Variants in SIK3 observed in about 807,000 individuals in gnomAD.
SIK3 encodes serine/threonine-protein kinase SIK3.
A neutral mutation model predicts 144.2 loss-of-function variants in SIK3; 28 were observed. The observed-to-expected ratio is 0.19, with a 90% CI of 0.14 to 0.27. SIK3 has a LOEUF of 0.27. Ranked by LOEUF, SIK3 falls within the 10% of genes least tolerant of loss-of-function variation. The pLI is 1.00. For missense variants in SIK3, 1,319 were observed against 1,776.0 expected, an observed-to-expected ratio of 0.74 and a Z score of 4.62; for synonymous variants, 686 against 676.3, an observed-to-expected ratio of 1.01 and a Z score of -0.22.
chr11:117,061,086 A>C (rs1420102207), intron 1 of SIK3, among the ~76,000 whole-genome samples: 1 of 152,086 alleles, frequency 6.6e-6, no homozygotes, highest in African/African-American at 2.4e-5. Flanking sequence ...CGTCTCTATC[A>C]AAAATTAAAA....
rs376478789 is a variant in SIK3 at position 117,092,987 on chromosome 11, ACT to A, written c.273+5154_273+5155del. 3.5e-4 allele frequency among the ~76,000 whole-genome samples: 54 copies of A among 152,308 alleles called. No homozygotes were observed. In the East Asian group the frequency reaches 0.01, roughly 28 times the overall value. ...TAGAAAATGGAATACTGGTATTTTG[ACT>A]CTGGAGAGACTAGTCTCAATCAGTC... On this transcript the variant is annotated intron_variant, in intron 1 of 24. Transcript: ENST00000445177.
chr11:116,875,118 T>C, intron 11 of SIK3, 40 bp downstream of exon 11: 1 of 1,506,858 alleles, frequency 6.6e-7, no homozygotes, highest in Non-Finnish European at 9.2e-7. Context: ...TGACAATTCT[T>C]TGCCCCAGTG....
intron 1 of SIK3, among the ~76,000 whole-genome samples, chr11:117,086,349 A>G (rs1307456357): frequency 6.6e-6 from 1 of 152,220 alleles, no homozygotes. Flanking sequence ...TACAACTTTT[A>G]TTAATCTCTG....
At chr11:116,896,142 A>G in intron 6 of SIK3, 111 bp downstream of exon 6, 1 of 1,436,546 alleles carries the variant, frequency 7.0e-7, no homozygotes, top group Non-Finnish European at 9.5e-7. Flanking sequence ...AGCTGGAGTT[A>G]AAAAAGGTTG....
intron 1 of SIK3, among the ~76,000 whole-genome samples, chr11:116,973,808 C>T (rs999903227): frequency 2.6e-5 from 4 of 152,110 alleles, no homozygotes; most frequent in Non-Finnish European, 4.4e-5. Context: ...AGACAAATTC[C>T]AACTGAGGAG....
chr11:117,054,640 A>T (rs1412271533), intron 1 of SIK3, among the ~76,000 whole-genome samples: 1 of 152,196 alleles, frequency 6.6e-6, no homozygotes, highest in Non-Finnish European at 1.5e-5. Context: ...CACAATCAAC[A>T]GTACTTGATA....
At chr11:117,083,902 G>A (rs1464026793) in intron 1 of SIK3, among the ~76,000 whole-genome samples, 1 of 152,136 alleles carries the variant, frequency 6.6e-6, no homozygotes, top group African/African-American at 2.4e-5. Flanking sequence ...TAAAGAGTTT[G>A]GCCAGTTTCT....
At chr11:116,940,986 TTTTG>T (rs139127609) in intron 3 of SIK3, among the ~76,000 whole-genome samples, 11,127 of 151,736 alleles carry the variant, frequency 0.073, 500 homozygotes, top group African/African-American at 0.11. Context: ...ATAGCTAAGT[TTTTG>T]TTTGTTTGTT....
chr11:117,088,545 GCAGACATTGCACGAAACA>G (rs1349325450), intron 1 of SIK3, among the ~76,000 whole-genome samples: 34 of 152,256 alleles, frequency 2.2e-4, no homozygotes, highest in Admixed American at 1.3e-3. Flanking sequence ...ATGAATATCT[GCAGACATTGCACGAAACA>G]TAAGGAATAC....
chr11:116,980,853 A>G (rs1197694856), intron 1 of SIK3, among the ~76,000 whole-genome samples: 1 of 149,528 alleles, frequency 6.7e-6, no homozygotes, highest in Non-Finnish European at 1.5e-5. Flanking sequence ...CCTGTCTCGA[A>G]AAAAAAAAAG....
At chr11:116,877,134 T>C in intron 6 of SIK3, 92 bp from the exon 7 acceptor site, 1 of 1,004,246 alleles carries the variant, frequency 1.0e-6, no homozygotes, top group Admixed American at 1.7e-5. Flanking sequence ...AGGGAGGCTA[T>C]CCAACTCCCT....
chr11:116,923,326 G>A (rs1368866755), intron 4 of SIK3, among the ~76,000 whole-genome samples: 1 of 152,142 alleles, frequency 6.6e-6, no homozygotes, highest in Non-Finnish European at 1.5e-5. Context: ...CCAAAAGGGA[G>A]GCCATTGAAA....
chr11:116,869,477 T>C (rs1294538522), intron 14 of SIK3: 1 of 152,314 alleles, frequency 6.6e-6, no homozygotes, highest in African/African-American at 2.4e-5. Context: ...GAGTAAGCCA[T>C]TAATGTTTTA....
In SIK3 at chr11:116,857,777, G is replaced by A. The variant is rs371768009; in HGVS notation, c.3655+33C>T. On this transcript the variant is annotated intron_variant, in intron 21 of 24. Coordinates refer to ENST00000445177, the MANE Select transcript of SIK3 (RefSeq NM_001366686.3). ...CTGAGTCAGTTGATTAGGGCAGACT[G>A]GCCCAGGACTTCCACTGTGAGGAGA... 213 of 1,609,866 alleles carry A rather than the reference G, an allele frequency of 1.3e-4. 1 individual carries two copies. Among genetic ancestry groups the A allele is most frequent in the Non-Finnish European group, 2.1e-5 (25 of 1,177,570 alleles).
intron 1 of SIK3, among the ~76,000 whole-genome samples, chr11:117,012,468 G>T (rs1460668028): frequency 6.6e-6 from 1 of 152,094 alleles, no homozygotes. Context: ...TTTGAAGAAG[G>T]CTTTCCATAC....
chr11:117,077,709 A>G (rs1025109473), intron 1 of SIK3, among the ~76,000 whole-genome samples: 3 of 152,176 alleles, frequency 2.0e-5, no homozygotes, highest in African/African-American at 7.2e-5. Context: ...ACTAGCATTG[A>G]GGAAAAAAAA....
chr11:116,896,269 T>A lies in SIK3; in HGVS notation c.849A>T (p.Pro283=). Residue 283 remains proline (P), a synonymous_variant, in exon 6 of 25, where the codon CCA becomes CCT. Coordinates refer to ENST00000445177, the MANE Select transcript of SIK3 (RefSeq NM_001366686.3). ...ARVLSGKFRI[P]FFMSTECEHL... The stretch of plus-strand genomic sequence containing the variant: ...CTCCCTTACCTGTGGACATAAAAAA[T>A]GGGATGCGGAACTTTCCACTCAGCA... 6.2e-7 allele frequency: 1 copy of A among 1,613,744 alleles called. No individual in the cohort carries two copies. The highest frequency in any genetic ancestry group is 8.5e-7 in the Non-Finnish European group (1 of 1,179,742).
In SIK3 at chr11:117,090,386, G is replaced by GA. The variant is rs541351351; in HGVS notation, c.273+7756dup. Among the ~76,000 whole-genome samples the GA allele has an allele frequency of 9.8e-3, 1,236 of 126,672 alleles. 15 individuals carry two copies. The highest frequency in any genetic ancestry group is 0.024 in the African/African-American group (804 of 34,096). 83.1% of individuals were successfully genotyped at this position (126,672 alleles called of 152,430 possible). A position where few individuals can be genotyped will look rare whatever the true frequency, so the allele number is the denominator to read the frequency against. On this transcript the variant is annotated intron_variant, in intron 1 of 24. Coordinates refer to ENST00000445177, the MANE Select transcript of SIK3 (RefSeq NM_001366686.3). ...CCTTCTTGTGTTTACTTAGGATAAT[G>GA]AAAAAAAAAAAAAAGAGGAACCCTT...
At chr11:117,063,242 T>G (rs1255645495) in intron 1 of SIK3, among the ~76,000 whole-genome samples, 1 of 152,232 alleles carries the variant, frequency 6.6e-6, no homozygotes, top group Non-Finnish European at 1.5e-5. Context: ...CTAAAACTGT[T>G]AGCTTCAATG....
Sources: gnomAD v4.1 joint callset for allele counts (sites outside exome capture counted in the v4.1 genomes callset) on GRCh38, gnomAD v4.1.1 for gene constraint, MANE v1.5 for transcripts, NCBI Gene and HGNC (gene_info 2026-07-23, HGNC 2026-07-21) for gene names.